The following MED25 variants were observed in gnomAD, a reference collection of about 807,000 sequenced individuals.
MED25 encodes the protein mediator of RNA polymerase II transcription subunit 25.
A neutral mutation model predicts 89.4 loss-of-function variants in MED25; 62 were observed. The observed-to-expected ratio is 0.69, with a 90% CI of 0.57 to 0.86. The LOEUF (loss-of-function observed/expected upper bound fraction) is 0.86. Ranked by LOEUF, MED25 falls within the 40% of genes least tolerant of loss-of-function variation. MED25 has a pLI of 0.00. For synonymous variants in MED25, 449 were observed against 427.9 expected, an observed-to-expected ratio of 1.05 and a Z score of -0.61; for missense variants, 905 against 1,005.2, an observed-to-expected ratio of 0.90 and a Z score of 1.35.
intron 2 of MED25, 157 bp downstream of exon 2, chr19:49,818,773 G>T (rs943155138): frequency 1.3e-6 from 1 of 764,360 alleles, no homozygotes; most frequent in South Asian, 1.6e-5. Flanking sequence ...GGGCCTGGGG[G>T]CCTGGACTCC....
At position 49,819,163 on chromosome 19, in the gene MED25, C is replaced by G; in HGVS notation, c.181-9C>G. ...CCCAGATTAAAAGTTTTCTGTCCTCCCCTCCCAGTATGGGGGGACCCAGTA... is the reference window on the plus strand; with the variant it reads ...CCCAGATTAAAAGTTTTCTGTCCTCGCCTCCCAGTATGGGGGGACCCAGTA... On this transcript the variant is annotated splice_polypyrimidine_tract_variant and intron_variant, in intron 2 of 17. Transcript: ENST00000312865. The G allele has an allele frequency of 6.2e-7, 1 of 1,614,120 alleles. No homozygotes were observed. Among genetic ancestry groups the G allele is most frequent in the Non-Finnish European group, 8.5e-7 (1 of 1,179,996 alleles).
chr19:49,829,968 C>T lies in MED25; in HGVS notation c.688+20C>T, dbSNP rs763013887. 14 of 1,604,400 alleles carry T rather than the reference C, an allele frequency of 8.7e-6. No individual in the cohort carries two copies. The East Asian group carries it at 9.0e-5, about 10-fold the overall frequency. Reference sequence around the variant, plus strand: ...TGCCTGGTGAGGCCTGGGCACCGTGCGCGGGGATGGGGGCTCGACGTGTTT... The same window carrying T: ...TGCCTGGTGAGGCCTGGGCACCGTGTGCGGGGATGGGGGCTCGACGTGTTT... On this transcript the variant is annotated intron_variant, in intron 6 of 17. Transcript: ENST00000312865. The surrounding 1 kb of genome is among the most constrained non-coding windows in gnomAD (Gnocchi z 4.6).
Position 49,836,354 on chromosome 19 carries a change from A to G in MED25, c.2094A>G (p.Pro698=), listed in dbSNP as rs748760091. 1.9e-6 allele frequency: 3 copies of G among 1,608,716 alleles called. No individual in the cohort carries two copies. Among genetic ancestry groups the G allele is most frequent in the Non-Finnish European group, 2.5e-6 (3 of 1,177,986 alleles). ...AGTTGGGGCCCCCACTCCTGCATCC[A>G]CCACCTGCCCAGTCCTGGCCCGCAC... ...QPQLGPPLLH[P]PPAQSWPAQL... is the part of the protein sequence containing the mutation. Residue 698 remains proline (P), a synonymous_variant, in exon 17 of 18, where the codon CCA becomes CCG. Coordinates refer to ENST00000312865, the MANE Select transcript of MED25 (RefSeq NM_030973.4). This position sits in a 1 kb window ranked among gnomAD's most constrained non-coding sequence, Gnocchi z 5.1.
chr19:49,831,562 G>C lies in MED25; in HGVS notation c.1230+101G>C. On this transcript the variant is annotated intron_variant, in intron 10 of 17. Coordinates refer to ENST00000312865, the MANE Select transcript of MED25 (RefSeq NM_030973.4). This position sits in a 1 kb window ranked among gnomAD's most constrained non-coding sequence, Gnocchi z 5.0. ...CAGATGCGTGGGGTCTGCAGTGCTG[G>C]GTTTGGAGGCATTCGTTGCGCTGGA... is the stretch of plus-strand genomic sequence containing the variant. The C allele has an allele frequency of 1.4e-6, 2 of 1,418,816 alleles. No homozygotes were observed. The highest frequency in any genetic ancestry group is 2.4e-5 in the East Asian group (1 of 41,220). The allele number at this position is 1,418,816 out of a possible 1,614,324, so 87.9% of individuals were successfully genotyped here.
At position 49,836,211 on chromosome 19, in the gene MED25, T is replaced by C; in HGVS notation, c.1966-15T>C. On this transcript the variant is annotated splice_polypyrimidine_tract_variant and intron_variant, in intron 16 of 17. Transcript: ENST00000312865. The surrounding 1 kb of genome is among the most constrained non-coding windows in gnomAD (Gnocchi z 5.1). ...TCTACCAGGAGCCTCTGAGCCACTC[T>C]CTGTGTTCTCCCAGCCGCAGACTGG... 6.2e-7 allele frequency: 1 copy of C among 1,611,396 alleles called. No individual in the cohort carries two copies. Among genetic ancestry groups the C allele is most frequent in the East Asian group, 2.2e-5 (1 of 44,858 alleles).
intron 3 of MED25, among the ~76,000 whole-genome samples, chr19:49,825,324 C>G (rs1292063686): frequency 6.6e-6 from 1 of 152,096 alleles, no homozygotes; most frequent in Non-Finnish European, 1.5e-5. Flanking sequence ...TCTCAGCTCA[C>G]TACAACCTCT....
intron 3 of MED25, among the ~76,000 whole-genome samples, chr19:49,822,746 C>G (rs961083185): frequency 2.8e-5 from 4 of 143,696 alleles, no homozygotes; most frequent in African/African-American, 1.0e-4. Flanking sequence ...CTCCCGAGTT[C>G]ACGCCATTCT....
chr19:49,829,997 C>T lies in MED25; in HGVS notation c.688+49C>T. ...GGGATGGGGGCTCGACGTGTTTCCC[C>T]AGCTCCCTCTGACTTGGATTTTGGA... On this transcript the variant is annotated intron_variant, in intron 6 of 17. Coordinates refer to ENST00000312865, the MANE Select transcript of MED25 (RefSeq NM_030973.4). The surrounding 1 kb of genome is among the most constrained non-coding windows in gnomAD (Gnocchi z 4.6). 6.3e-7 allele frequency: 1 copy of T among 1,599,820 alleles called. No homozygotes were observed. The highest frequency in any genetic ancestry group is 2.2e-5 in the East Asian group (1 of 44,588).
At position 49,836,156 on chromosome 19, in the gene MED25, A is replaced by T; in HGVS notation, c.1966-70A>T. The T allele has an allele frequency of 6.4e-7, 1 of 1,560,308 alleles. No individual in the cohort carries two copies. The highest frequency in any genetic ancestry group is 8.8e-7 in the Non-Finnish European group (1 of 1,137,944). On this transcript the variant is annotated intron_variant, in intron 16 of 17. Coordinates refer to ENST00000312865, the MANE Select transcript of MED25 (RefSeq NM_030973.4). The surrounding 1 kb of genome is among the most constrained non-coding windows in gnomAD (Gnocchi z 5.1). ...TCACCACTAGCTGATTCCATCTCTG[A>T]GCAGTGTCTGTGTTGAGAGGTGGGG...
At chr19:49,820,784 T>G (rs2073976370) in intron 3 of MED25, among the ~76,000 whole-genome samples, 1 of 152,158 alleles carries the variant, frequency 6.6e-6, no homozygotes, top group South Asian at 2.1e-4. Flanking sequence ...TGGCGCTGGA[T>G]CGGATTTTGA....
At chr19:49,838,408 CCT>C (rs1568627008), downstream of MED25, 1 of 363,356 alleles carries the variant, frequency 2.8e-6, no homozygotes, top group South Asian at 2.1e-5. Context: ...TGGAGCTGCC[CCT>C]CTCCATGGGG....
rs781256172 is a variant in MED25, at chr19:49,830,667, C to T, written c.908-27C>T. On this transcript the variant is annotated intron_variant, in intron 8 of 17. Transcript: ENST00000312865. This position sits in a 1 kb window ranked among gnomAD's most constrained non-coding sequence, Gnocchi z 4.6. Reference sequence around the variant, plus strand: ...GGCCTCTCTCCACACACTTGTTCCCCACTTCTTCCCTTGGTCTCTCCCACA... The same window carrying T: ...GGCCTCTCTCCACACACTTGTTCCCTACTTCTTCCCTTGGTCTCTCCCACA... 20 of 1,613,364 alleles carry T rather than the reference C, an allele frequency of 1.2e-5. 2 individuals carry two copies. The highest frequency in any genetic ancestry group is 1.6e-4 in the Middle Eastern group (1 of 6,062).
At chr19:49,833,685 T>C (rs1432085531) in intron 13 of MED25, 3 of 152,268 alleles carry the variant, frequency 2.0e-5, no homozygotes, top group African/African-American at 7.2e-5. Flanking sequence ...GCCATCTCGC[T>C]TGGCGACTCT....
intron 2 of MED25, 107 bp downstream of exon 2, chr19:49,818,723 G>T (rs2073957653): frequency 8.1e-6 from 9 of 1,113,404 alleles, no homozygotes; most frequent in Non-Finnish European, 1.1e-5. Flanking sequence ...GTTTGAGGGA[G>T]GAGGGGCTGG....
chr19:49,832,485 A>C, intron 13 of MED25, 70 bp downstream of exon 13: 1 of 964,390 alleles, frequency 1.0e-6, no homozygotes. Context: ...TTTGACGGGA[A>C]TCCCAGAGTG....
At chr19:49,818,868 G>T (rs2073959686) in intron 2 of MED25, 1 of 592,576 alleles carries the variant, frequency 1.7e-6, no homozygotes, top group African/African-American at 1.9e-5. Context: ...TGGGTCTGAG[G>T]GAGGAAGGGC....
At chr19:49,819,328 G>A (rs767754463) in intron 3 of MED25, 32 bp downstream of exon 3, 1 of 1,610,248 alleles carries the variant, frequency 6.2e-7, no homozygotes, top group South Asian at 1.1e-5. Flanking sequence ...GTGGGTTGCT[G>A]GTCCCTGTGA....
At position 49,819,283 on chromosome 19, in the gene MED25, C is replaced by T. The variant is rs753652217; in HGVS notation, c.292C>T (p.Leu98Phe). Residue 98 changes from leucine to phenylalanine, a missense_variant, in exon 3 of 18, where the codon CTC becomes TTC. Leu to Phe is a conservative substitution (Grantham distance 22). This residue lies in a region of MED25 where 501 missense variants were observed against 526.9 expected (regional missense o/e 0.95). Transcript: ENST00000312865. ...CAGCGCCTATGAGTTTGTCACCTGG[C>T]TCGATGGCATTAAGTGAGCTTTCCC... ...TSSAYEFVTWLDGIKFMGGGG... is the reference protein window; with the variant it reads ...TSSAYEFVTWFDGIKFMGGGG... The T allele has an allele frequency of 4.4e-6, 7 of 1,604,726 alleles. No homozygotes were observed. The highest frequency in any genetic ancestry group is 1.7e-5 in the Admixed American group (1 of 59,154).
chr19:49,819,097 G>C, intron 2 of MED25, 75 bp from the exon 3 acceptor site: 1 of 1,572,672 alleles, frequency 6.4e-7, no homozygotes, highest in South Asian at 1.1e-5. Context: ...CGGGAAGCTG[G>C]GAGCCCTGAT....
Sources: allele counts gnomAD v4.1 joint callset (sites outside exome capture counted in the v4.1 genomes callset), GRCh38; gene constraint gnomAD v4.1.1; regional missense constraint gnomAD v4.1.1; non-coding constraint Gnocchi (gnomAD v3.1); transcripts MANE v1.5; gene names NCBI Gene and HGNC (gene_info 2026-07-23, HGNC 2026-07-21).